The following FOXN1 variants were observed in gnomAD, a reference collection of about 807,000 sequenced individuals.
FOXN1 encodes the protein forkhead box N1.
A neutral mutation model predicts 49.0 loss-of-function variants in FOXN1; 15 were observed. The observed-to-expected ratio is 0.31, with a 90% CI of 0.20 to 0.47. The LOEUF (loss-of-function observed/expected upper bound fraction) is 0.47. Among genes scored for constraint, FOXN1 ranks in the 20% least tolerant of loss-of-function variants. The probability of loss-of-function intolerance (pLI) is 1.00; values close to 1 mark genes in which losing one functional copy is unlikely to be tolerated. For synonymous variants in FOXN1, 356 were observed against 369.0 expected, an observed-to-expected ratio of 0.96 and a Z score of 0.40; for missense variants, 800 against 842.8, an observed-to-expected ratio of 0.95 and a Z score of 0.63.
intron 1 of FOXN1, among the ~76,000 whole-genome samples, chr17:28,507,513 A>G (rs2069289949): frequency 1.3e-5 from 2 of 152,120 alleles, no homozygotes; most frequent in Non-Finnish European, 2.9e-5. Flanking sequence ...CCCCTATGCC[A>G]GTCATTGCCC....
rs376900275 is a variant in FOXN1 at position 28,537,198 on chromosome 17, C to T, written c.1709C>T (p.Ser570Leu). Residue 570 changes from serine (S) to leucine (L), a missense_variant, in exon 9 of 9, where the codon TCG (serine) becomes TTG (leucine). Physicochemically the swap from Ser to Leu is moderately radical, Grantham distance 145. This residue lies in a region of FOXN1 where 344 missense variants were observed against 366.1 expected (regional missense o/e 0.94). Transcript: ENST00000579795. The stretch of plus-strand genomic sequence containing the variant: ...GTGACCTCATCCCCGACATCATCTT[C>T]GATGCCACCACCCCAGCCACCACCT... ...VLVTSSPTSSSMPPPQPPPHC... is the reference protein window; with the variant it reads ...VLVTSSPTSSLMPPPQPPPHC... 73 of 1,613,798 alleles carry T rather than the reference C, an allele frequency of 4.5e-5. No homozygotes were observed. The highest frequency in any genetic ancestry group is 5.7e-5 in the Non-Finnish European group (67 of 1,179,818).
At chr17:28,530,579 C>A (rs1364785768) in intron 5 of FOXN1, among the ~76,000 whole-genome samples, 170 bp from the exon 6 acceptor site, 2 of 152,160 alleles carry the variant, frequency 1.3e-5, no homozygotes, top group Non-Finnish European at 2.9e-5. Context: ...TCCACAAGAC[C>A]CTCGCACGTC....
intron 1 of FOXN1, among the ~76,000 whole-genome samples, chr17:28,507,785 A>T (rs2069295478): frequency 6.6e-6 from 1 of 152,148 alleles, no homozygotes; most frequent in African/African-American, 2.4e-5. Context: ...TTCCCTGACC[A>T]CAAGACACAG....
intron 1 of FOXN1, 31 bp from the exon 2 acceptor site, chr17:28,523,925 C>G: frequency 1.2e-6 from 2 of 1,612,976 alleles, no homozygotes; most frequent in South Asian, 2.2e-5. Context: ...GATGCTGGTC[C>G]TCACTCTCAT....
rs2070129773 is a variant in FOXN1 at position 28,538,589 on chromosome 17, G to C, written c.*1153G>C. 6.6e-6 allele frequency: 1 copy of C among 152,222 alleles called. No homozygotes were observed. Among genetic ancestry groups the C allele is most frequent in the South Asian group, 2.1e-4 (1 of 4,832 alleles). 9.4% of individuals were successfully genotyped at this position (152,222 alleles called of 1,614,324 possible). A position where few individuals can be genotyped will look rare whatever the true frequency, so the allele number is the denominator to read the frequency against. On this transcript the variant is annotated 3_prime_UTR_variant, in exon 9 of 9. Coordinates refer to ENST00000579795, the MANE Select transcript of FOXN1 (RefSeq NM_001369369.1). ...ACTTCCAACTGTCTCAGGCAACCTG[G>C]GCATTCAGGAGAAAAGCCTGGCACA...
intron 6 of FOXN1, among the ~76,000 whole-genome samples, chr17:28,532,091 T>C (rs1003515083): frequency 6.6e-6 from 1 of 152,050 alleles, no homozygotes; most frequent in East Asian, 1.9e-4. Flanking sequence ...TCTTCTAGGG[T>C]TTCAAGGGGC....
Position 28,527,347 on chromosome 17 carries a change from C to T in FOXN1, c.685C>T (p.Pro229Ser), listed in dbSNP as rs763958930. ...PLQHMYCSSQPPFHQYSPGGG... is the reference protein window; with the variant it reads ...PLQHMYCSSQSPFHQYSPGGG... Reference sequence around the variant, plus strand: ...GCAGCATATGTACTGCTCCTCCCAGCCCCCCTTCCACCAGGTGGGTCTGGG... The same window carrying T: ...GCAGCATATGTACTGCTCCTCCCAGTCCCCCTTCCACCAGGTGGGTCTGGG... The change falls in exon 4 of 9, where the codon CCC becomes TCC. Residue 229 changes from proline (P) to serine (S), a missense_variant. Coordinates refer to ENST00000579795, the MANE Select transcript of FOXN1 (RefSeq NM_001369369.1). 59 of 1,608,716 alleles carry T rather than the reference C, an allele frequency of 3.7e-5. No homozygotes were observed. In the Admixed American group the frequency reaches 5.0e-4, roughly 14 times the overall value.
intron 4 of FOXN1, among the ~76,000 whole-genome samples, chr17:28,528,810 C>T (rs1277835399): frequency 2.0e-5 from 3 of 152,204 alleles, no homozygotes; most frequent in Admixed American, 6.5e-5. Context: ...TCACTTCATA[C>T]TCTCCCTGCA....
intron 2 of FOXN1, 24 bp from the exon 3 acceptor site, chr17:28,524,479 G>C: frequency 6.2e-7 from 1 of 1,605,852 alleles, no homozygotes; most frequent in African/African-American, 1.3e-5. Context: ...CCACTCACAG[G>C]CTCGCTACTC....
In FOXN1 at chr17:28,524,939, C is replaced by G; in HGVS notation, c.560C>G (p.Pro187Arg). 1 of 1,612,018 alleles carries G rather than the reference C, an allele frequency of 6.2e-7. No homozygotes were observed. Among genetic ancestry groups the G allele is most frequent in the African/African-American group, 1.3e-5 (1 of 75,036 alleles). Residue 187 changes from proline (P) to arginine (R), a missense_variant, in exon 3 of 9, where the codon CCC becomes CGC. Coordinates refer to ENST00000579795, the MANE Select transcript of FOXN1 (RefSeq NM_001369369.1). ...GCCTGGTGTAACGGGCTCCCCTACC[C>G]CAGCCAGGAGCATGGCCCCCAAGTC... ...AEAWCNGLPY[P>R]SQEHGPQVLG...
intron 4 of FOXN1, among the ~76,000 whole-genome samples, chr17:28,528,544 G>A (rs922610471): frequency 6.6e-6 from 1 of 152,108 alleles, no homozygotes; most frequent in African/African-American, 2.4e-5. Flanking sequence ...GCAGCTGGGG[G>A]AGTCAGAGTC....
At chr17:28,518,089 T>TACCTCCACAGGGTACAC (rs1186460475) in intron 1 of FOXN1, among the ~76,000 whole-genome samples, 1 of 108,976 alleles carries the variant, frequency 9.2e-6, no homozygotes, top group Non-Finnish European at 2.0e-5. Context: ...ACAGGATCCA[T>TACCTCCACAGGGTACAC]ACCTCCACAG....
chr17:28,508,291 G>A (rs35227282), intron 1 of FOXN1, among the ~76,000 whole-genome samples: 22,579 of 152,234 alleles, frequency 0.15, 2,071 homozygotes, highest in East Asian at 0.29. Context: ...ACGCACTGAC[G>A]CCACATTGCC....
At chr17:28,524,130 G>A in intron 2 of FOXN1, 38 bp downstream of exon 2, 3 of 1,546,472 alleles carry the variant, frequency 1.9e-6, no homozygotes, top group Non-Finnish European at 2.6e-6. Flanking sequence ...TTAGGCCAAG[G>A]CCTGCGGCTG....
At position 28,534,262 on chromosome 17, in the gene FOXN1, A is replaced by G; in HGVS notation, c.928-69A>G. The G allele has an allele frequency of 6.2e-7, 1 of 1,611,650 alleles. No homozygotes were observed. Among genetic ancestry groups the G allele is most frequent in the Non-Finnish European group, 8.5e-7 (1 of 1,179,684 alleles). On this transcript the variant is annotated intron_variant, in intron 6 of 8. Transcript: ENST00000579795. This position sits in a 1 kb window ranked among gnomAD's most constrained non-coding sequence, Gnocchi z 4.1. Reference sequence around the variant, plus strand: ...AGAGGAGAAACAGGAGTGTTCTAGAACCCAGACCTGAAGCCCGCTCTGGCT... The same window carrying G: ...AGAGGAGAAACAGGAGTGTTCTAGAGCCCAGACCTGAAGCCCGCTCTGGCT...
intron 8 of FOXN1, among the ~76,000 whole-genome samples, chr17:28,536,792 G>C (rs370121404): frequency 6.6e-6 from 1 of 152,124 alleles, no homozygotes; most frequent in Non-Finnish European, 1.5e-5. Context: ...CATGAGCCAG[G>C]GTTCACTCCC....
At position 28,524,589 on chromosome 17, in the gene FOXN1, T is replaced by C; in HGVS notation, c.210T>C (p.Ile70=). The C allele has an allele frequency of 6.2e-7, 1 of 1,613,554 alleles. No individual in the cohort carries two copies. The highest frequency in any genetic ancestry group is 8.5e-7 in the Non-Finnish European group (1 of 1,179,962). Residue 70 remains isoleucine (I), a synonymous_variant, in exon 3 of 9, where the codon ATT becomes ATC. Coordinates refer to ENST00000579795, the MANE Select transcript of FOXN1 (RefSeq NM_001369369.1). ...CACTGCCCCCACACAGCCCCCGCAT[T>C]GCGTCACCAGGGCCCGAGCAAGTCC... ...TPSLPPHSPR[I]ASPGPEQVQG...
chr17:28,514,101 C>G (rs1285113348), intron 1 of FOXN1, among the ~76,000 whole-genome samples: 4 of 152,158 alleles, frequency 2.6e-5, no homozygotes, highest in Non-Finnish European at 5.9e-5. Context: ...CAGGTCGGCC[C>G]AAGGCTCAAG....
chr17:28,526,451 G>A (rs2069770985), intron 3 of FOXN1, among the ~76,000 whole-genome samples: 2 of 152,194 alleles, frequency 1.3e-5, no homozygotes, highest in South Asian at 4.1e-4. Context: ...CCACCTTCCG[G>A]GGCCTAGCTG....
Sources: gnomAD v4.1 joint callset for allele counts (sites outside exome capture counted in the v4.1 genomes callset) on GRCh38, gnomAD v4.1.1 for gene constraint, gnomAD v4.1.1 regional missense constraint, Gnocchi (gnomAD v3.1) non-coding constraint, MANE v1.5 for transcripts, NCBI Gene and HGNC (gene_info 2026-07-23, HGNC 2026-07-21) for gene names.